Variants in AKAP6 observed in about 807,000 individuals in gnomAD.
AKAP6 encodes A-kinase anchor protein 6.
In AKAP6, 58 loss-of-function variants were observed where a neutral mutation model predicts 188.5. The ratio of observed to expected loss-of-function variants is 0.31; its 90% CI spans 0.25 to 0.38. The LOEUF is 0.38. Ranked by LOEUF, AKAP6 falls within the 10% of genes least tolerant of loss-of-function variation. AKAP6 has a pLI of 1.00. For missense variants in AKAP6, 2,710 were observed against 2,740.0 expected (o/e 0.99, Z 0.24); for synonymous variants, 989 against 998.6 (o/e 0.99, Z 0.18).
rs1882102588 is a variant in AKAP6 at position 32,525,994 on chromosome 14, G to A, written c.325-9560G>A. Among the ~76,000 whole-genome samples the A allele has an allele frequency of 2.0e-5, 3 of 152,166 alleles. No individual in the cohort carries two copies. The South Asian group carries it at 6.2e-4, about 32-fold the overall frequency. ...CTGTTTATAGAGTTCTTCAAACTTTGGAGAGAAGTTCTGTGATTATCATAA... is the reference window on the plus strand; with the variant it reads ...CTGTTTATAGAGTTCTTCAAACTTTAGAGAGAAGTTCTGTGATTATCATAA... On this transcript the variant is annotated intron_variant, in intron 2 of 13. Coordinates refer to ENST00000280979, the MANE Select transcript of AKAP6 (RefSeq NM_004274.5).
At chr14:32,555,279 G>A (rs951114533) in intron 4 of AKAP6, among the ~76,000 whole-genome samples, 3 of 152,012 alleles carry the variant, frequency 2.0e-5, no homozygotes, top group African/African-American at 4.8e-5. Context: ...GTGGTGGTTA[G>A]TACCTGTGTA....
At chr14:32,410,493 C>T (rs1459580529) in intron 1 of AKAP6, among the ~76,000 whole-genome samples, 1 of 152,134 alleles carries the variant, frequency 6.6e-6, no homozygotes, top group Non-Finnish European at 1.5e-5. Flanking sequence ...ATGTATAAAA[C>T]CAGGCTGTGC....
rs775930119 is a variant in AKAP6, at chr14:32,785,437, T to G, written c.3588+11544T>G. 3.1e-4 allele frequency among the ~76,000 whole-genome samples: 47 copies of G among 152,220 alleles called. 1 individual carries two copies. The highest frequency in any genetic ancestry group is 4.1e-4 in the Non-Finnish European group (28 of 68,024). ...ATATATTTTTAAGAATGAAATACTT[T>G]GGATAACATCATCATATATGATCAT... On this transcript the variant is annotated intron_variant, in intron 12 of 13. Coordinates refer to ENST00000280979, the MANE Select transcript of AKAP6 (RefSeq NM_004274.5).
At position 32,462,916 on chromosome 14, in the gene AKAP6, A is replaced by AAAAAC. The variant is rs1555330712; in HGVS notation, c.324+29103_324+29104insCAAAA. On this transcript the variant is annotated intron_variant, in intron 2 of 13. Transcript: ENST00000280979. ...AAATGGAAAGCAAAAAAAAAAAAAAAAAAAAAAAAACCCGGGGTTGCAATC... is the reference window on the plus strand; with the variant it reads ...AAATGGAAAGCAAAAAAAAAAAAAAAAAAACAAAAAAAAAACCCGGGGTTGCAATC... Among the ~76,000 whole-genome samples the AAAAAC allele has an allele frequency of 4.9e-3, 457 of 93,786 alleles. 15 individuals carry two copies. Among genetic ancestry groups the AAAAAC allele is most frequent in the Middle Eastern group, 6.1e-3 (1 of 164 alleles). The allele number at this position is 93,786 out of a possible 152,430, so 61.5% of individuals were successfully genotyped here.
chr14:32,447,703 A>G (rs1200322016), intron 2 of AKAP6, among the ~76,000 whole-genome samples: 1 of 152,232 alleles, frequency 6.6e-6, no homozygotes, highest in African/African-American at 2.4e-5. Flanking sequence ...CAAAATTATC[A>G]GTGTATCACA....
chr14:32,383,481 A>C (rs1358385767), intron 1 of AKAP6, among the ~76,000 whole-genome samples: 2 of 152,170 alleles, frequency 1.3e-5, no homozygotes, highest in African/African-American at 2.4e-5. Flanking sequence ...CTGAGACAAA[A>C]TATCTGAATT....
chr14:32,662,351 C>G (rs895355606), intron 7 of AKAP6, among the ~76,000 whole-genome samples: 1 of 152,008 alleles, frequency 6.6e-6, no homozygotes, highest in Admixed American at 6.6e-5. Flanking sequence ...TAAAACATGA[C>G]TTCATTTCTC....
chr14:32,514,595 C>T (rs1450751945), intron 2 of AKAP6, among the ~76,000 whole-genome samples: 1 of 152,124 alleles, frequency 6.6e-6, no homozygotes, highest in African/African-American at 2.4e-5. Context: ...CTGTAAGATC[C>T]TTTATACCTT....
At chr14:32,389,825 G>A (rs1888651106) in intron 1 of AKAP6, among the ~76,000 whole-genome samples, 1 of 152,060 alleles carries the variant, frequency 6.6e-6, no homozygotes, top group Non-Finnish European at 1.5e-5. Flanking sequence ...AATGTACCTA[G>A]GCAATAATAT....
At chr14:32,336,456 C>T (rs1003650801) in intron 1 of AKAP6, among the ~76,000 whole-genome samples, 7 of 152,088 alleles carry the variant, frequency 4.6e-5, no homozygotes, top group African/African-American at 1.7e-4. Context: ...CAGATGTCTA[C>T]CATGTACAAT....
intron 12 of AKAP6, among the ~76,000 whole-genome samples, chr14:32,810,201 A>AT (rs938390181): frequency 4.6e-5 from 7 of 151,212 alleles, no homozygotes; most frequent in African/African-American, 1.7e-4. Context: ...TATTTTGATT[A>AT]TTTTTTGCAA....
chr14:32,541,266 G>T (rs955878108), intron 3 of AKAP6, among the ~76,000 whole-genome samples: 1 of 151,882 alleles, frequency 6.6e-6, no homozygotes, highest in Non-Finnish European at 1.5e-5. Flanking sequence ...ACTGGCTAGA[G>T]ATTTAAGAAA....
chr14:32,789,493 C>T (rs1025034872), intron 12 of AKAP6, among the ~76,000 whole-genome samples: 11 of 152,288 alleles, frequency 7.2e-5, no homozygotes, highest in African/African-American at 2.6e-4. Context: ...AGGTCAGTAC[C>T]CTACTGGAAC....
chr14:32,651,537 G>T (rs1013018503), intron 7 of AKAP6, among the ~76,000 whole-genome samples: 3 of 152,164 alleles, frequency 2.0e-5, no homozygotes, highest in Non-Finnish European at 4.4e-5. Flanking sequence ...GCACTGGCAG[G>T]TTTGTTGTCT....
chr14:32,540,156 CTCTCTCTCTCTCTATA>C (rs1339083974), intron 3 of AKAP6, among the ~76,000 whole-genome samples: 2 of 116,882 alleles, frequency 1.7e-5, no homozygotes, highest in African/African-American at 3.9e-5. Flanking sequence ...CTCTCTCTCT[CTCTCTCTCTCTCTATA>C]TATATATATA....
At chr14:32,496,389 C>T (rs983565229) in intron 2 of AKAP6, among the ~76,000 whole-genome samples, 3 of 152,000 alleles carry the variant, frequency 2.0e-5, no homozygotes, top group African/African-American at 7.3e-5. Context: ...AGTATACACA[C>T]AGATGTACAT....
intron 1 of AKAP6, among the ~76,000 whole-genome samples, chr14:32,412,884 G>A (rs1022076948): frequency 2.6e-5 from 4 of 152,066 alleles, no homozygotes; most frequent in African/African-American, 9.7e-5. Flanking sequence ...GAAAAAAGAT[G>A]GTATGGTGGG....
chr14:32,750,731 A>ATT (rs765897477), intron 11 of AKAP6, among the ~76,000 whole-genome samples: 1,300 of 93,592 alleles, frequency 0.014, 9 homozygotes, highest in Non-Finnish European at 0.024. Flanking sequence ...TCACTAAATT[A>ATT]ATTTTGTTTT....
chr14:32,721,967 G>A (rs1207853038), intron 9 of AKAP6, among the ~76,000 whole-genome samples: 2 of 152,186 alleles, frequency 1.3e-5, no homozygotes, highest in Non-Finnish European at 1.5e-5. Flanking sequence ...CACCTCTGAT[G>A]AATGGGAACC....
Sources: gnomAD v4.1 joint callset for allele counts (sites outside exome capture counted in the v4.1 genomes callset) on GRCh38, gnomAD v4.1.1 for gene constraint, MANE v1.5 for transcripts, NCBI Gene and HGNC (gene_info 2026-07-23, HGNC 2026-07-21) for gene names.